PDK3: variants seen among roughly 807,000 people sequenced by gnomAD.
PDK3 encodes pyruvate dehydrogenase kinase, isozyme 3.
PDK3 carries 12 observed loss-of-function variants against 32.0 expected under a neutral mutation model. The ratio of observed to expected loss-of-function variants is 0.37; its 90% confidence interval spans 0.24 to 0.61. The LOEUF is 0.61. Among genes scored for constraint, PDK3 ranks in the 20% least tolerant of loss-of-function variants. PDK3 has a pLI of 0.65. For synonymous variants in PDK3, 122 were observed against 116.3 expected, an observed-to-expected ratio of 1.05 and a Z score of -0.31; for missense variants, 188 against 316.9, an observed-to-expected ratio of 0.59 and a Z score of 3.09.
intron 1 of PDK3, among the ~76,000 whole-genome samples, chrX:24,477,495 T>C (rs1202864192): frequency 8.9e-6 from 1 of 111,891 alleles, no homozygotes; most frequent in Non-Finnish European, 1.9e-5. Flanking sequence ...ACCTGTAATA[T>C]GGGTAATTCA....
Position 24,534,068 on chromosome X carries a change from A to G in PDK3, c.1217A>G (p.Gln406Arg), listed in dbSNP as rs1922718970. The change falls in exon 11 of 11, where the codon CAG becomes CGG. Residue 406 changes from glutamine (Q) to arginine (R), a missense_variant. Transcript: ENST00000379162. ...GATGCTTCAAAATACAAAGCAAAAC[A>G]GTAATATACCACCTTGATTTCCATT... is the stretch of plus-strand genomic sequence containing the variant. ...PRDASKYKAK[Q>R] The G allele has an allele frequency of 8.4e-7, 1 of 1,195,488 alleles. No homozygotes were observed. The highest frequency in any genetic ancestry group is 1.1e-6 in the Non-Finnish European group (1 of 886,875).
Position 24,494,848 on chromosome X carries a change from A to G in PDK3, c.213A>G (p.Leu71=). The part of the protein sequence containing the change: ...MREVNLLPDN[L]LNRPSVGLVQ... ...AAGTTAATCTTCTGCCGGATAATTTACTTAACCGCCCTTCAGTGGGATTGG... is the reference window on the plus strand; with the variant it reads ...AAGTTAATCTTCTGCCGGATAATTTGCTTAACCGCCCTTCAGTGGGATTGG... The change falls in exon 2 of 11, where the codon TTA becomes TTG. Residue 71 remains leucine, a synonymous_variant. Coordinates refer to ENST00000379162, the MANE Select transcript of PDK3 (RefSeq NM_005391.5). 1 of 1,207,073 alleles carries G rather than the reference A, an allele frequency of 8.3e-7. No homozygotes were observed.
intron 5 of PDK3, among the ~76,000 whole-genome samples, chrX:24,508,316 C>T (rs1922033988): frequency 9.0e-6 from 1 of 111,302 alleles, no homozygotes; most frequent in African/African-American, 3.3e-5. Flanking sequence ...CCAATCACCT[C>T]CCACAAGGCC....
chrX:24,534,275 A>T lies in PDK3; in HGVS notation c.*203A>T. 1 of 925,046 alleles carries T rather than the reference A, an allele frequency of 1.1e-6. No homozygotes were observed. The highest frequency in any genetic ancestry group is 2.0e-5 in the African/African-American group (1 of 50,528). The allele number at this position is 925,046 out of a possible 1,213,427, so 76.2% of individuals were successfully genotyped here. A position where few individuals can be genotyped will look rare whatever the true frequency, so the allele number is the denominator to read the frequency against. On this transcript the variant is annotated 3_prime_UTR_variant, in exon 11 of 11. Transcript: ENST00000379162. ...AGGTTGAAACTGAAAAATAAGTTAA[A>T]ATGATCAATCAAGATAAAAGGTGAT...
Position 24,541,692 on chromosome X carries a change from A to T in PDK3, c.*2528A>T, listed in dbSNP as rs59027040. Among the ~76,000 whole-genome samples, 1,878 of 112,539 alleles carry T rather than the reference A, an allele frequency of 0.017. 64 individuals carry two copies. Among genetic ancestry groups the T allele is most frequent in the East Asian group, 0.15 (537 of 3,523 alleles). Reference sequence around the variant, plus strand: ...GTTCTTCTGGCTTACTAGCCTCTTTACCCAAGTATTCATTTATCCTGTTTG... The same window carrying T: ...GTTCTTCTGGCTTACTAGCCTCTTTTCCCAAGTATTCATTTATCCTGTTTG... On this transcript the variant is annotated 3_prime_UTR_variant, in exon 12 of 12. Coordinates refer to the PDK3 transcript ENST00000568479.
intron 1 of PDK3, among the ~76,000 whole-genome samples, chrX:24,470,669 A>G (rs1276479656): frequency 1.0e-5 from 1 of 96,730 alleles, no homozygotes; most frequent in Non-Finnish European, 2.1e-5. Flanking sequence ...CCTGGGTGAC[A>G]AGAGTGAAAC....
intron 5 of PDK3, among the ~76,000 whole-genome samples, chrX:24,516,057 A>G (rs1201417184): frequency 1.8e-5 from 2 of 111,823 alleles, no homozygotes; most frequent in African/African-American, 3.3e-5. Flanking sequence ...TATGAAGTCA[A>G]TGAACTAAAA....
At chrX:24,497,161 C>T (rs1921735640) in intron 2 of PDK3, among the ~76,000 whole-genome samples, 1 of 111,436 alleles carries the variant, frequency 9.0e-6, no homozygotes, top group South Asian at 3.7e-4. Context: ...ACCTAGCTTG[C>T]TTGCATGTGG....
chrX:24,523,308 G>T (rs1197573135), intron 6 of PDK3, among the ~76,000 whole-genome samples: 3 of 112,469 alleles, frequency 2.7e-5, no homozygotes, highest in Non-Finnish European at 5.6e-5. Flanking sequence ...TCACATCAAG[G>T]GTTACATTTC....
chrX:24,489,591 A>G (rs939763578), intron 1 of PDK3, among the ~76,000 whole-genome samples: 6 of 106,662 alleles, frequency 5.6e-5, no homozygotes, highest in Non-Finnish European at 7.7e-5. Flanking sequence ...AGGCTGAGGC[A>G]GGAGAATCGT....
chrX:24,503,388 C>A lies in PDK3; in HGVS notation c.382C>A (p.Gln128Lys), dbSNP rs1921909663. The A allele has an allele frequency of 4.7e-5, 57 of 1,203,294 alleles. No individual in the cohort carries two copies. The highest frequency in any genetic ancestry group is 6.2e-5 in the Non-Finnish European group (55 of 888,238). ...CAATGATGTGGTTCCTACAATGGCA[C>A]AAGGAGTGATTGAATACAAGGAGAA... Reference protein sequence around the residue: ...RHNDVVPTMAQGVIEYKEKFG... With the variant: ...RHNDVVPTMAKGVIEYKEKFG... Residue 128 changes from glutamine to lysine, a missense_variant, in exon 4 of 11, where the codon CAA becomes AAA. Physicochemically the swap from Gln to Lys is moderately conservative, Grantham distance 53. Coordinates refer to ENST00000379162, the MANE Select transcript of PDK3 (RefSeq NM_005391.5).
At chrX:24,483,213 G>T (rs1921305622) in intron 1 of PDK3, among the ~76,000 whole-genome samples, 1 of 112,135 alleles carries the variant, frequency 8.9e-6, no homozygotes, top group Non-Finnish European at 1.9e-5. Context: ...CACTGTGATG[G>T]CTAACTAAAT....
chrX:24,481,655 G>T (rs1415345043), intron 1 of PDK3, among the ~76,000 whole-genome samples: 2 of 111,418 alleles, frequency 1.8e-5, no homozygotes, highest in African/African-American at 6.5e-5. Context: ...GTTCTCATGA[G>T]ATCTGGTTGT....
intron 1 of PDK3, among the ~76,000 whole-genome samples, chrX:24,467,123 G>A (rs1940071772): frequency 8.9e-6 from 1 of 112,125 alleles, no homozygotes; most frequent in Non-Finnish European, 1.9e-5. Flanking sequence ...TGTTATGTGA[G>A]TAGGAAAACC....
chrX:24,529,329 C>T (rs991583068), intron 9 of PDK3, among the ~76,000 whole-genome samples: 2 of 111,540 alleles, frequency 1.8e-5, no homozygotes, highest in Non-Finnish European at 1.9e-5. Flanking sequence ...TAACAGTTAA[C>T]GCATGCGCAC....
exon 12 of PDK3, among the ~76,000 whole-genome samples, chrX:24,543,317 T>A (rs1210903): frequency 7.2e-5 from 8 of 110,523 alleles, no homozygotes; most frequent in Non-Finnish European, 1.5e-4. Context: ...TCTTCATTCA[T>A]GCTGTATGAT....
In PDK3 at chrX:24,531,740, A is replaced by G. The variant is rs745559700; in HGVS notation, c.1047A>G (p.Gly349=). The G allele has an allele frequency of 8.6e-7, 1 of 1,162,065 alleles. No homozygotes were observed. Among genetic ancestry groups the G allele is most frequent in the East Asian group, 3.0e-5 (1 of 33,610 alleles). The change falls in exon 10 of 11, where the codon GGA becomes GGG. Residue 349 remains glycine (G), a synonymous_variant. Transcript: ENST00000379162. ...ATCTGAAACTGTATTCCATGGAAGGAGTGGGTACTGATGCTGTCATTTATT... is the reference window on the plus strand; with the variant it reads ...ATCTGAAACTGTATTCCATGGAAGGGGTGGGTACTGATGCTGTCATTTATT... ...QGDLKLYSME[G]VGTDAVIYLK... is the part of the protein sequence containing the mutation.
chrX:24,532,595 TAAA>T (rs1922676404), intron 10 of PDK3, among the ~76,000 whole-genome samples: 1 of 111,656 alleles, frequency 9.0e-6, no homozygotes, highest in Non-Finnish European at 1.9e-5. Flanking sequence ...AGGCACATAA[TAAA>T]AATTTAAAAG....
chrX:24,536,930 T>C (rs1052765740), downstream of PDK3, among the ~76,000 whole-genome samples: 2 of 111,129 alleles, frequency 1.8e-5, no homozygotes, highest in African/African-American at 6.6e-5. Flanking sequence ...TTTTTGATGC[T>C]TGAATTGACA....
Sources: allele counts gnomAD v4.1 joint callset (sites outside exome capture counted in the v4.1 genomes callset), GRCh38; gene constraint gnomAD v4.1.1; transcripts MANE v1.5; gene names NCBI Gene and HGNC (gene_info 2026-07-23, HGNC 2026-07-21).